The following ANXA2 variants were observed in gnomAD, a reference collection of about 807,000 sequenced individuals.
ANXA2 encodes annexin II.
ANXA2 carries 28 observed loss-of-function variants against 47.3 expected under a neutral mutation model. The observed-to-expected ratio is 0.59, with a 90% CI of 0.44 to 0.81. The LOEUF (loss-of-function observed/expected upper bound fraction) is 0.81. Among genes scored for constraint, ANXA2 ranks in the 40% least tolerant of loss-of-function variants. The probability of loss-of-function intolerance (pLI) is 0.00; values close to 1 mark genes in which losing one functional copy is unlikely to be tolerated. For synonymous variants in ANXA2, 172 were observed against 155.5 expected, an observed-to-expected ratio of 1.11 and a Z score of -0.79; for missense variants, 384 against 414.3, an observed-to-expected ratio of 0.93 and a Z score of 0.64.
chr15:60,368,316 AAAAATAAAAT>A (rs766502453), intron 3 of ANXA2, among the ~76,000 whole-genome samples: 10 of 113,980 alleles, frequency 8.8e-5, no homozygotes, highest in African/African-American at 3.2e-4. Context: ...AATAAAAAAA[AAAAATAAAAT>A]AAAATAAAAT....
chr15:60,353,158 TTTAAA>T (rs1331832639), intron 8 of ANXA2, among the ~76,000 whole-genome samples: 5 of 152,196 alleles, frequency 3.3e-5, no homozygotes, highest in African/African-American at 1.2e-4. Context: ...CTAACATTAA[TTTAAA>T]TTAATTTTTT....
At chr15:60,388,684 C>T (rs1176211027) in intron 1 of ANXA2, among the ~76,000 whole-genome samples, 3 of 149,952 alleles carry the variant, frequency 2.0e-5, no homozygotes, top group Non-Finnish European at 4.4e-5. Flanking sequence ...ATCCCTCCGC[C>T]TTAGCCTACC....
chr15:60,376,911 T>C (rs930627580), intron 3 of ANXA2, among the ~76,000 whole-genome samples: 1 of 152,186 alleles, frequency 6.6e-6, no homozygotes, highest in Non-Finnish European at 1.5e-5. Flanking sequence ...CACAGGGAAA[T>C]CAATGGAACA....
At chr15:60,387,232 T>A (rs546797409) in intron 1 of ANXA2, 33 of 152,268 alleles carry the variant, frequency 2.2e-4, no homozygotes, top group African/African-American at 7.9e-4. Context: ...TTTGCAAGAT[T>A]CTCATCCTGG....
chr15:60,390,718 T>C (rs1206921662), intron 1 of ANXA2: 1 of 187,532 alleles, frequency 5.3e-6, no homozygotes, highest in Non-Finnish European at 1.1e-5. Flanking sequence ...GACAATAAAA[T>C]CTTGAGGTTA....
chr15:60,388,111 C>T (rs1202316847), intron 1 of ANXA2, among the ~76,000 whole-genome samples: 1 of 152,102 alleles, frequency 6.6e-6, no homozygotes, highest in African/African-American at 2.4e-5. Context: ...TAGCTTGAAA[C>T]CAGAAGGCAG....
chr15:60,387,912 G>C (rs185058966), intron 1 of ANXA2, among the ~76,000 whole-genome samples: 1 of 152,126 alleles, frequency 6.6e-6, no homozygotes, highest in South Asian at 2.1e-4. Context: ...ACAATCGGCC[G>C]GGTGCGGTGG....
intron 3 of ANXA2, among the ~76,000 whole-genome samples, chr15:60,373,737 T>A (rs1443229314): frequency 2.6e-5 from 4 of 152,210 alleles, no homozygotes; most frequent in African/African-American, 4.8e-5. Context: ...AGAACAGAGA[T>A]AATGATAATA....
intron 1 of ANXA2, among the ~76,000 whole-genome samples, chr15:60,392,382 AATAATTTAAGGGTT>A (rs2063024312): frequency 7.1e-6 from 1 of 141,688 alleles, no homozygotes; most frequent in Non-Finnish European, 1.5e-5. Context: ...GTACCAACCT[AATAATTTAAGGGTT>A]TGTCCTTATT....
At chr15:60,367,432 TGGG>T (rs765725955) in intron 3 of ANXA2, among the ~76,000 whole-genome samples, 1 of 3,810 alleles carries the variant, frequency 2.6e-4, no homozygotes, top group African/African-American at 1.3e-3. Context: ...GGGAGGGAGG[TGGG>T]GGGGGGGGTC....
chr15:60,376,691 C>G (rs908438451), intron 3 of ANXA2, among the ~76,000 whole-genome samples: 1 of 152,174 alleles, frequency 6.6e-6, no homozygotes, highest in African/African-American at 2.4e-5. Flanking sequence ...ACTGACAGTT[C>G]GTCTGTGAGA....
At chr15:60,385,975 C>T in intron 2 of ANXA2, 53 bp downstream of exon 2, 2 of 1,220,430 alleles carry the variant, frequency 1.6e-6, no homozygotes, top group South Asian at 2.6e-5. Context: ...TATGGTTATC[C>T]AGAGAGATGT....
intron 1 of ANXA2, chr15:60,390,211 A>AC: frequency 1.0e-6 from 1 of 955,712 alleles, no homozygotes. Context: ...AGTCACACTT[A>AC]CCACAAAGCA....
chr15:60,395,710 G>T (rs924178870), intron 1 of ANXA2: 1 of 152,212 alleles, frequency 6.6e-6, no homozygotes, highest in Non-Finnish European at 1.5e-5. Context: ...AGACTCCAGT[G>T]CAAGACTGAG....
At chr15:60,393,788 A>T in intron 1 of ANXA2, 3 of 773,394 alleles carry the variant, frequency 3.9e-6, no homozygotes, top group Non-Finnish European at 4.7e-6. Flanking sequence ...TTATCCGCCC[A>T]CAGGGTTTCC....
intron 1 of ANXA2, among the ~76,000 whole-genome samples, chr15:60,392,675 G>A (rs1384400566): frequency 2.0e-5 from 3 of 152,234 alleles, no homozygotes. Flanking sequence ...TACTGCAACA[G>A]GGCTGGTCTG....
chr15:60,372,577 T>C (rs555685063), intron 3 of ANXA2, among the ~76,000 whole-genome samples: 102 of 152,200 alleles, frequency 6.7e-4, no homozygotes, highest in African/African-American at 2.4e-3. Flanking sequence ...ATACACTCTG[T>C]GGGGTTACAT....
chr15:60,361,846 C>T (rs2062519218), intron 4 of ANXA2, among the ~76,000 whole-genome samples: 1 of 151,956 alleles, frequency 6.6e-6, no homozygotes, highest in South Asian at 2.1e-4. Flanking sequence ...TCGAGCTAAA[C>T]TTCCTACAAA....
At position 60,352,410 on chromosome 15, in the gene ANXA2, C is replaced by A. The variant is rs745354147; in HGVS notation, c.655G>T (p.Glu219Ter). The A allele has an allele frequency of 1.2e-6, 2 of 1,613,716 alleles. No individual in the cohort carries two copies. Among genetic ancestry groups the A allele is most frequent in the Non-Finnish European group, 1.7e-6 (2 of 1,179,722 alleles). ...DVPKWISIMTERSVPHLQKVF... is the reference protein window; with the variant it reads ...DVPKWISIMT ...TTCTGGAGGTGGGGCACGCTCCGCT[C>A]GGTCATGATGCTGATCCACTTGGGA... is the stretch of plus-strand genomic sequence containing the variant. The change falls in exon 9 of 13, where the codon GAG becomes TAG. Residue 219 changes from glutamate (E) to a stop codon, truncating the protein, a stop_gained. Transcript: ENST00000451270. LOFTEE classifies it high-confidence loss of function. The surrounding 1 kb of genome is among the most constrained non-coding windows in gnomAD (Gnocchi z 4.2).
Sources: gnomAD v4.1 joint callset for allele counts (sites outside exome capture counted in the v4.1 genomes callset) on GRCh38, gnomAD v4.1.1 for gene constraint, Gnocchi (gnomAD v3.1) non-coding constraint, MANE v1.5 for transcripts, NCBI Gene and HGNC (gene_info 2026-07-23, HGNC 2026-07-21) for gene names.